TRDN: variants seen among roughly 807,000 people sequenced by gnomAD.
TRDN encodes triadin in skeletal muscle.
TRDN carries 161 observed loss-of-function variants against 149.7 expected under a neutral mutation model. The observed-to-expected ratio is 1.08, with a 90% confidence interval of 0.95 to 1.23. The LOEUF is 1.23. Ranked by LOEUF, TRDN falls within the 50% of genes most tolerant of loss-of-function variation. The pLI, the probability that TRDN is intolerant of heterozygous loss-of-function variation, is 0.00. For synonymous variants in TRDN, 294 were observed against 250.5 expected, an observed-to-expected ratio of 1.17 and a Z score of -1.64; for missense variants, 896 against 823.5, an observed-to-expected ratio of 1.09 and a Z score of -1.08.
intron 32 of TRDN, among the ~76,000 whole-genome samples, chr6:123,267,216 G>A (rs922850932): frequency 2.0e-5 from 3 of 151,018 alleles, no homozygotes; most frequent in Non-Finnish European, 4.4e-5. Flanking sequence ...CTTCCTATAT[G>A]CCTCAGTGTT....
chr6:123,417,644 C>A (rs1773711484), intron 12 of TRDN, among the ~76,000 whole-genome samples: 1 of 152,152 alleles, frequency 6.6e-6, no homozygotes, highest in African/African-American at 2.4e-5. Flanking sequence ...ATTGCACAAG[C>A]TGGCATTTAA....
chr6:123,229,068 C>T (rs1775496300), intron 38 of TRDN, among the ~76,000 whole-genome samples: 1 of 151,918 alleles, frequency 6.6e-6, no homozygotes, highest in South Asian at 2.1e-4. Context: ...ATTGTACTAT[C>T]TTGACTTTCA....
At chr6:123,449,039 G>T (rs1775592506) in intron 10 of TRDN, among the ~76,000 whole-genome samples, 1 of 152,070 alleles carries the variant, frequency 6.6e-6, no homozygotes, top group Non-Finnish European at 1.5e-5. Flanking sequence ...TACATCAAGA[G>T]AACACCCTAG....
intron 21 of TRDN, chr6:123,352,283 T>C (rs947074887): frequency 1.1e-4 from 109 of 985,004 alleles, no homozygotes; most frequent in Non-Finnish European, 1.3e-4. Flanking sequence ...ATCTTCAGCA[T>C]GTCCCCTGAT....
At chr6:123,249,208 A>G (rs931089391) in intron 38 of TRDN, among the ~76,000 whole-genome samples, 3 of 152,106 alleles carry the variant, frequency 2.0e-5, no homozygotes, top group African/African-American at 7.2e-5. Flanking sequence ...ATTACTAATT[A>G]TGACAGAAAT....
At chr6:123,497,332 G>A (rs73770122) in intron 8 of TRDN, 80 bp from the exon 9 acceptor site, 3 of 985,356 alleles carry the variant, frequency 3.0e-6, no homozygotes, top group South Asian at 4.1e-5. Flanking sequence ...ATTTAACAAA[G>A]CAAACAAAAT....
chr6:123,590,550 G>T (rs1783727408), intron 1 of TRDN, among the ~76,000 whole-genome samples: 1 of 152,120 alleles, frequency 6.6e-6, no homozygotes, highest in Non-Finnish European at 1.5e-5. Context: ...AGATCATGAG[G>T]TCAGGAGTTT....
rs1045213759 is a variant in TRDN at position 123,319,633 on chromosome 6, C to T, written c.1472-3138G>A. ...GCATTTATTTTTCATTCTGTCTTCA[C>T]TGTTTAATTGTTTTCTACCACAATT... is the stretch of plus-strand genomic sequence containing the variant. On this transcript the variant is annotated intron_variant, in intron 23 of 40. Transcript: ENST00000334268. Among the ~76,000 whole-genome samples the T allele has an allele frequency of 3.9e-5, 6 of 152,184 alleles. No homozygotes were observed. In the East Asian group the frequency reaches 1.2e-3, roughly 29 times the overall value.
intron 1 of TRDN, among the ~76,000 whole-genome samples, chr6:123,575,899 CTCTT>C (rs1782829939): frequency 1.3e-5 from 2 of 152,078 alleles, no homozygotes; most frequent in Non-Finnish European, 2.9e-5. Context: ...ACAATACAAT[CTCTT>C]TCAGGATGCT....
intron 10 of TRDN, among the ~76,000 whole-genome samples, chr6:123,454,894 C>T (rs1776012125): frequency 6.6e-6 from 1 of 152,176 alleles, no homozygotes; most frequent in South Asian, 2.1e-4. Context: ...GAACCAGGTT[C>T]CTGGTGCCAA....
At chr6:123,493,302 G>A (rs957645539) in intron 9 of TRDN, among the ~76,000 whole-genome samples, 2 of 152,098 alleles carry the variant, frequency 1.3e-5, no homozygotes, top group Non-Finnish European at 2.9e-5. Context: ...GGTTTATTAA[G>A]ATGGTCCCTA....
chr6:123,287,655 G>A (rs1777848725), intron 24 of TRDN, among the ~76,000 whole-genome samples: 1 of 152,112 alleles, frequency 6.6e-6, no homozygotes, highest in South Asian at 2.1e-4. Flanking sequence ...TAAAAACAGA[G>A]CATGCTTGTG....
chr6:123,491,691 C>G (rs1778227463), intron 9 of TRDN, among the ~76,000 whole-genome samples: 2 of 152,276 alleles, frequency 1.3e-5, no homozygotes, highest in Middle Eastern at 3.4e-3. Context: ...TAGCTTACCT[C>G]TTTTCTGGAC....
chr6:123,364,027 G>C (rs1446841052), intron 20 of TRDN, among the ~76,000 whole-genome samples: 3 of 152,176 alleles, frequency 2.0e-5, no homozygotes, highest in Admixed American at 2.0e-4. Context: ...AACCAATCTA[G>C]CTGTTTCTGT....
At chr6:123,616,257 A>T (rs1785077760) in intron 1 of TRDN, among the ~76,000 whole-genome samples, 1 of 152,098 alleles carries the variant, frequency 6.6e-6, no homozygotes. Flanking sequence ...CCTTGAGCCC[A>T]GGAGTTTGAG....
intron 23 of TRDN, among the ~76,000 whole-genome samples, chr6:123,322,653 TTA>T (rs869060685): frequency 7.1e-6 from 1 of 141,626 alleles, no homozygotes; most frequent in Non-Finnish European, 1.5e-5. Flanking sequence ...ATTATTATTA[TTA>T]TTTTTGAGAC....
intron 21 of TRDN, among the ~76,000 whole-genome samples, chr6:123,338,225 C>T (rs956618255): frequency 3.3e-5 from 5 of 152,080 alleles, no homozygotes; most frequent in Non-Finnish European, 5.9e-5. Context: ...TGAGGCAGAA[C>T]TTGACAAGGG....
chr6:123,524,884 T>C (rs1779871102), intron 5 of TRDN, among the ~76,000 whole-genome samples: 1 of 152,122 alleles, frequency 6.6e-6, no homozygotes, highest in Non-Finnish European at 1.5e-5. Context: ...AACTGTAAAC[T>C]TGGTAATATT....
chr6:123,462,854 A>G (rs1272598335), intron 10 of TRDN: 7 of 152,192 alleles, frequency 4.6e-5, no homozygotes, highest in African/African-American at 1.7e-4. Flanking sequence ...AGTCATAGGC[A>G]GCACATCTGC....
Sources: allele counts gnomAD v4.1 joint callset (sites outside exome capture counted in the v4.1 genomes callset), GRCh38; gene constraint gnomAD v4.1.1; transcripts MANE v1.5; gene names NCBI Gene and HGNC (gene_info 2026-07-23, HGNC 2026-07-21).